Variants in SAMD12 observed in about 807,000 individuals in gnomAD.
The protein encoded by SAMD12 is sterile alpha motif domain containing 12.
SAMD12 carries 9 observed loss-of-function variants against 15.0 expected under a neutral mutation model. The observed-to-expected ratio is 0.60, with a 90% CI of 0.36 to 1.05. The LOEUF is 1.05. Ranked by LOEUF, SAMD12 falls within the 50% of genes least tolerant of loss-of-function variation. SAMD12 has a pLI of 0.01. For synonymous variants in SAMD12, 86 were observed against 90.1 expected (o/e 0.96, Z 0.25); for missense variants, 230 against 234.2 (o/e 0.98, Z 0.12).
chr8:118,309,057 T>C (rs746489717), intron 4 of SAMD12, among the ~76,000 whole-genome samples: 2 of 152,158 alleles, frequency 1.3e-5, no homozygotes, highest in Non-Finnish European at 2.9e-5. Flanking sequence ...ATAAGTTCTT[T>C]AGTGGAAATT....
the SAMD12 span, among the ~76,000 whole-genome samples, chr8:118,178,223 G>C: frequency 6.6e-6 from 1 of 152,152 alleles, no homozygotes; most frequent in Non-Finnish European, 1.5e-5. Context: ...CCTAAATTGA[G>C]GTTATTAATC....
chr8:118,532,121 A>G (rs374060951), intron 2 of SAMD12, among the ~76,000 whole-genome samples: 1 of 152,168 alleles, frequency 6.6e-6, no homozygotes, highest in Non-Finnish European at 1.5e-5. Context: ...TAATTTATTG[A>G]GAGTTTTTAG....
intron 4 of SAMD12, among the ~76,000 whole-genome samples, chr8:118,355,710 T>A (rs971929448): frequency 2.6e-5 from 4 of 152,164 alleles, no homozygotes; most frequent in Admixed American, 2.6e-4. Context: ...TTAGAAATGA[T>A]TCTCCAACCA....
intron 4 of SAMD12, among the ~76,000 whole-genome samples, chr8:118,227,606 C>T (rs1812217146): frequency 6.6e-6 from 1 of 152,086 alleles, no homozygotes; most frequent in Non-Finnish European, 1.5e-5. Flanking sequence ...TTCCTCATTG[C>T]TTAGACAAGA....
chr8:118,279,462 C>T (rs1214978782), intron 4 of SAMD12, among the ~76,000 whole-genome samples: 1 of 152,152 alleles, frequency 6.6e-6, no homozygotes, highest in African/African-American at 2.4e-5. Context: ...TCAGATATCA[C>T]CATCTTCTCA....
rs563452327 is a variant in SAMD12 at position 118,277,045 on chromosome 8, T to C, written c.434-79313A>G. On this transcript the variant is annotated intron_variant, in intron 4 of 4. Coordinates refer to the SAMD12 transcript ENST00000409003. ...TTTTTTTTTCCACAAGCTTAGGAAT[T>C]AGACTACAGGTACCCTCCACACCTG... Among the ~76,000 whole-genome samples, 4 of 152,276 alleles carry C rather than the reference T, an allele frequency of 2.6e-5. No individual in the cohort carries two copies. The East Asian group carries it at 7.7e-4, about 29-fold the overall frequency.
At chr8:118,519,030 A>C (rs1825320450) in intron 2 of SAMD12, among the ~76,000 whole-genome samples, 1 of 152,234 alleles carries the variant, frequency 6.6e-6, no homozygotes, top group Non-Finnish European at 1.5e-5. Context: ...AATGCACTTA[A>C]GTATCAGCAG....
intron 4 of SAMD12, among the ~76,000 whole-genome samples, chr8:118,240,325 C>T (rs895695475): frequency 6.2e-4 from 94 of 152,282 alleles, no homozygotes; most frequent in African/African-American, 2.2e-3. Flanking sequence ...TCTCAGAAAC[C>T]ATGAGATATA....
At chr8:118,469,545 T>TATAATATA (rs376346512) in intron 2 of SAMD12, among the ~76,000 whole-genome samples, 281 of 2,198 alleles carry the variant, frequency 0.13, 66 homozygotes, top group Middle Eastern at 1. Flanking sequence ...ATATATTATA[T>TATAATATA]TATTATATAT....
chr8:118,313,927 TG>T (rs1386213025), intron 4 of SAMD12, among the ~76,000 whole-genome samples: 5 of 151,486 alleles, frequency 3.3e-5, no homozygotes, highest in Non-Finnish European at 5.9e-5. Context: ...AGAGAGGAGA[TG>T]GGGGGATCTC....
At chr8:118,139,439 G>C in the SAMD12 span, among the ~76,000 whole-genome samples, 1 of 152,164 alleles carries the variant, frequency 6.6e-6, no homozygotes, top group African/African-American at 2.4e-5. Context: ...GCTCTCTGCA[G>C]ACTCAAACTC....
At chr8:118,604,316 C>T (rs577266521) in intron 1 of SAMD12, among the ~76,000 whole-genome samples, 2 of 152,054 alleles carry the variant, frequency 1.3e-5, no homozygotes, top group East Asian at 1.9e-4. Flanking sequence ...TTATATATAA[C>T]GTTTGTATAT....
intron 2 of SAMD12, among the ~76,000 whole-genome samples, chr8:118,456,718 T>C (rs1823264484): frequency 6.6e-6 from 1 of 152,248 alleles, no homozygotes; most frequent in Non-Finnish European, 1.5e-5. Flanking sequence ...CATTCATTCA[T>C]TCATTCAAAT....
At chr8:118,353,194 CTT>C (rs144112017) in intron 4 of SAMD12, among the ~76,000 whole-genome samples, 1,684 of 150,438 alleles carry the variant, frequency 0.011, 26 homozygotes, top group African/African-American at 0.039. Context: ...AGCATGTTCT[CTT>C]GTTACTACAT....
At chr8:118,512,130 C>T (rs1204672129) in intron 2 of SAMD12, among the ~76,000 whole-genome samples, 1 of 152,144 alleles carries the variant, frequency 6.6e-6, no homozygotes, top group Non-Finnish European at 1.5e-5. Flanking sequence ...CTATCTAATA[C>T]TCCCAGGCAT....
intron 4 of SAMD12, among the ~76,000 whole-genome samples, chr8:118,301,633 A>AT (rs1409308306): frequency 6.6e-6 from 1 of 152,232 alleles, no homozygotes; most frequent in African/African-American, 2.4e-5. Flanking sequence ...TAGTTCATGA[A>AT]TTATTCTTCA....
At chr8:118,587,522 GATTC>G (rs1563599187) in intron 1 of SAMD12, among the ~76,000 whole-genome samples, 1 of 152,192 alleles carries the variant, frequency 6.6e-6, no homozygotes, top group Non-Finnish European at 1.5e-5. Context: ...GTTGATGACA[GATTC>G]CTCCCTAGGG....
intron 4 of SAMD12, among the ~76,000 whole-genome samples, chr8:118,372,282 C>T (rs1231308719): frequency 5.3e-5 from 8 of 152,040 alleles, no homozygotes; most frequent in Non-Finnish European, 1.2e-4. Flanking sequence ...ATTGCCTGGT[C>T]AATAGATACT....
chr8:118,358,790 G>T (rs934471369), intron 4 of SAMD12, among the ~76,000 whole-genome samples: 20 of 152,248 alleles, frequency 1.3e-4, no homozygotes, highest in Non-Finnish European at 2.6e-4. Flanking sequence ...ATTAAAGACT[G>T]CTAATTGGCT....
Sources: allele counts gnomAD v4.1 joint callset (sites outside exome capture counted in the v4.1 genomes callset), GRCh38; gene constraint gnomAD v4.1.1; transcripts MANE v1.5; gene names NCBI Gene and HGNC (gene_info 2026-07-23, HGNC 2026-07-21).